SLC5A1: variants seen among roughly 807,000 people sequenced by gnomAD.
The protein encoded by SLC5A1 is sodium/glucose cotransporter 1.
A neutral mutation model predicts 73.5 loss-of-function variants in SLC5A1; 42 were observed. The ratio of observed to expected loss-of-function variants is 0.57; its 90% confidence interval spans 0.45 to 0.74. SLC5A1 has a LOEUF of 0.74. SLC5A1 is among the 30% of genes least tolerant of loss of function. The pLI, the probability that SLC5A1 is intolerant of heterozygous loss-of-function variation, is 0.00. For missense variants in SLC5A1, 634 were observed against 855.4 expected (o/e 0.74, Z 3.23); for synonymous variants, 300 against 317.4 (o/e 0.95, Z 0.58).
At chr22:32,066,513 A>C (rs2093973547) in intron 2 of SLC5A1, among the ~76,000 whole-genome samples, 2 of 152,174 alleles carry the variant, frequency 1.3e-5, no homozygotes, top group African/African-American at 2.4e-5. Flanking sequence ...GTTTACTGAG[A>C]GCCTGTATTG....
chr22:32,076,878 A>G (rs990410809), intron 5 of SLC5A1, among the ~76,000 whole-genome samples: 3 of 152,224 alleles, frequency 2.0e-5, no homozygotes, highest in South Asian at 2.1e-4. Flanking sequence ...CATGAATTCC[A>G]TGGACATCGT....
At chr22:32,099,375 A>G in intron 12 of SLC5A1, 24 bp downstream of exon 12, 1 of 1,605,662 alleles carries the variant, frequency 6.2e-7, no homozygotes, top group East Asian at 2.2e-5. Flanking sequence ...GGGCATGTCC[A>G]GAAAAGTCAT....
At chr22:32,046,034 T>C (rs2093936717) in intron 1 of SLC5A1, among the ~76,000 whole-genome samples, 1 of 152,226 alleles carries the variant, frequency 6.6e-6, no homozygotes, top group Admixed American at 6.5e-5. Flanking sequence ...CAGGCCCTTT[T>C]TCTTTAAAGA....
At chr22:32,095,460 A>G (rs2094024762) in intron 11 of SLC5A1, among the ~76,000 whole-genome samples, 1 of 152,038 alleles carries the variant, frequency 6.6e-6, no homozygotes, top group Non-Finnish European at 1.5e-5. Flanking sequence ...CTCCAGTATT[A>G]TTGTGTTGCT....
At chr22:32,091,854 C>A in intron 11 of SLC5A1, 92 bp downstream of exon 11, 1 of 1,299,412 alleles carries the variant, frequency 7.7e-7, no homozygotes, top group Non-Finnish European at 1.1e-6. Flanking sequence ...TTGGCAGATG[C>A]CTGGGTAGAA....
At chr22:32,077,756 T>C (rs537325044) in intron 5 of SLC5A1, among the ~76,000 whole-genome samples, 4 of 152,334 alleles carry the variant, frequency 2.6e-5, no homozygotes, top group Admixed American at 2.0e-4. Flanking sequence ...CATTTTCCTC[T>C]TTCCTAAAAG....
chr22:32,105,028 G>A lies in SLC5A1; in HGVS notation c.1771+137G>A. ...CCAGGGCAGTGAGGAGTAGGGTGGG[G>A]ATGAGATGGATAAGTGGGTTTGGGG... On this transcript the variant is annotated intron_variant, in intron 14 of 14. Coordinates refer to ENST00000266088, the MANE Select transcript of SLC5A1 (RefSeq NM_000343.4). 8.4e-6 allele frequency: 6 copies of A among 715,382 alleles called. No homozygotes were observed. In the South Asian group the frequency reaches 9.1e-5, roughly 11 times the overall value. 44.3% of individuals were successfully genotyped at this position (715,382 alleles called of 1,614,324 possible). A position where few individuals can be genotyped will look rare whatever the true frequency, so the allele number is the denominator to read the frequency against.
At chr22:32,101,910 C>A (rs2094037069) in intron 12 of SLC5A1, 112 bp from the exon 13 acceptor site, 1 of 822,108 alleles carries the variant, frequency 1.2e-6, no homozygotes, top group Non-Finnish European at 2.1e-6. Flanking sequence ...CTGGAGCTAC[C>A]ACTTCTCCTA....
chr22:32,106,120 T>C (rs2094045256), intron 14 of SLC5A1, among the ~76,000 whole-genome samples: 1 of 152,216 alleles, frequency 6.6e-6, no homozygotes, highest in Non-Finnish European at 1.5e-5. Flanking sequence ...GATTACTGAA[T>C]TATATGGTAG....
In SLC5A1 at chr22:32,076,829, T is replaced by G. The variant is rs1014407861; in HGVS notation, c.478-5037T>G. On this transcript the variant is annotated intron_variant, in intron 5 of 14. Transcript: ENST00000266088. ...GCTCCCAATCAGAGACTCAGTTACT[T>G]GCAGATGCTTTCCAACGGGGGTCTG... 4.6e-5 allele frequency among the ~76,000 whole-genome samples: 7 copies of G among 152,240 alleles called. No homozygotes were observed. In the East Asian group the frequency reaches 1.3e-3, roughly 29 times the overall value.
intron 3 of SLC5A1, among the ~76,000 whole-genome samples, chr22:32,067,736 T>A (rs906078400): frequency 3.3e-5 from 5 of 152,128 alleles, no homozygotes; most frequent in Admixed American, 6.5e-5. Context: ...GTGCTCTAGC[T>A]GTGGCCCACT....
chr22:32,095,038 T>A (rs2094024060), intron 11 of SLC5A1, among the ~76,000 whole-genome samples: 1 of 152,206 alleles, frequency 6.6e-6, no homozygotes, highest in Non-Finnish European at 1.5e-5. Context: ...TGATAGGTTG[T>A]GTCACTATTA....
At chr22:32,093,695 T>C (rs1018552934) in intron 11 of SLC5A1, among the ~76,000 whole-genome samples, 1 of 152,164 alleles carries the variant, frequency 6.6e-6, no homozygotes, top group Admixed American at 6.5e-5. Context: ...TAATTTTGGG[T>C]CCTGAAACTT....
chr22:32,067,361 TTAA>T (rs1489059299), intron 3 of SLC5A1, among the ~76,000 whole-genome samples: 150 of 72,798 alleles, frequency 2.1e-3, no homozygotes, highest in Non-Finnish European at 3.4e-3. Context: ...ATTATTTTTT[TTAA>T]AAAAATTTTT....
chr22:32,091,879 G>A (rs1022010792), intron 11 of SLC5A1, 117 bp downstream of exon 11: 42 of 981,252 alleles, frequency 4.3e-5, no homozygotes, highest in South Asian at 9.2e-5. Flanking sequence ...AATAATTTCT[G>A]TGGCTGGTTA....
chr22:32,067,945 C>T (rs778248489), intron 3 of SLC5A1, 22 bp from the exon 4 acceptor site: 19 of 1,613,920 alleles, frequency 1.2e-5, no homozygotes, highest in Admixed American at 1.2e-4. Flanking sequence ...TAATTTGAGT[C>T]CACCTTTTGT....
chr22:32,104,861 C>G lies in SLC5A1; in HGVS notation c.1741C>G (p.Gln581Glu), dbSNP rs765947220. Residue 581 changes from glutamine to glutamate, a missense_variant, in exon 14 of 15, where the codon CAA becomes GAA. Physicochemically the swap from Gln to Glu is conservative, Grantham distance 29. Coordinates refer to ENST00000266088, the MANE Select transcript of SLC5A1 (RefSeq NM_000343.4). The part of the protein sequence containing the change: ...IDLDAEEENI[Q>E]EGPKETIEIE... ...CCTGGATGCGGAAGAGGAGAACATCCAAGAAGGCCCTAAGGAGACCATTGA... is the reference window on the plus strand; with the variant it reads ...CCTGGATGCGGAAGAGGAGAACATCGAAGAAGGCCCTAAGGAGACCATTGA... The G allele has an allele frequency of 7.4e-6, 12 of 1,613,928 alleles. No individual in the cohort carries two copies. Among genetic ancestry groups the G allele is most frequent in the South Asian group, 1.1e-5 (1 of 91,082 alleles).
chr22:32,056,563 A>G (rs936407234), intron 2 of SLC5A1, among the ~76,000 whole-genome samples: 5 of 149,696 alleles, frequency 3.3e-5, no homozygotes, highest in East Asian at 2.0e-4. Context: ...ACTTAACTGT[A>G]TATCTCGTGT....
intron 2 of SLC5A1, among the ~76,000 whole-genome samples, chr22:32,063,387 C>T (rs1341698105): frequency 6.6e-6 from 1 of 152,178 alleles, no homozygotes; most frequent in African/African-American, 2.4e-5. Flanking sequence ...GACTCCTGCA[C>T]CAACCCTGCC....
Sources: allele counts gnomAD v4.1 joint callset (sites outside exome capture counted in the v4.1 genomes callset), GRCh38; gene constraint gnomAD v4.1.1; transcripts MANE v1.5; gene names NCBI Gene and HGNC (gene_info 2026-07-23, HGNC 2026-07-21).